Variants in ZNF76 observed in about 807,000 individuals in gnomAD.
The protein encoded by ZNF76 is zinc finger protein 76, also known as zinc finger protein 523.
ZNF76 carries 66 observed loss-of-function variants against 66.9 expected under a neutral mutation model. The observed-to-expected ratio is 0.99, with a 90% CI of 0.81 to 1.21. ZNF76 has a LOEUF of 1.21. ZNF76 is among the 50% of genes most tolerant of loss of function. The pLI is 0.00. For synonymous variants in ZNF76, 275 were observed against 296.1 expected (o/e 0.93, Z 0.73); for missense variants, 729 against 760.3 (o/e 0.96, Z 0.48).
chr6:35,294,122 C>G (rs1006469632), intron 12 of ZNF76: 1 of 627,756 alleles, frequency 1.6e-6, no homozygotes, highest in Non-Finnish European at 2.7e-6. Flanking sequence ...CTTTCTAAAT[C>G]TCAATTCAAC....
Position 35,292,584 on chromosome 6 carries a change from G to C in ZNF76, c.962G>C (p.Gly321Ala), listed in dbSNP as rs750352396. 1.9e-6 allele frequency: 3 copies of C among 1,613,582 alleles called. No homozygotes were observed. The highest frequency in any genetic ancestry group is 2.5e-6 in the Non-Finnish European group (3 of 1,180,014). The part of the protein sequence containing the change: ...GEKPYVCTVP[G>A]CGKRFTEYSS... ...AAGCCATACGTTTGCACGGTGCCAG[G>C]CTGCGGGAAACGCTTCACCGAGTAC... Residue 321 changes from glycine to alanine, a missense_variant, in exon 10 of 14, where the codon GGC becomes GCC. Transcript: ENST00000373953. The surrounding 1 kb of genome is among the most constrained non-coding windows in gnomAD (Gnocchi z 4.7).
At chr6:35,274,638 TCGCTTGAG>T (rs1787615784) in intron 1 of ZNF76, among the ~76,000 whole-genome samples, 1 of 152,140 alleles carries the variant, frequency 6.6e-6, no homozygotes, top group Non-Finnish European at 1.5e-5. Flanking sequence ...GGCAAGAGGA[TCGCTTGAG>T]CCCAGGAGGT....
At position 35,292,971 on chromosome 6, in the gene ZNF76, C is replaced by G; in HGVS notation, c.1256C>G (p.Ala419Gly). The change falls in exon 11 of 14, where the codon GCC becomes GGC. Residue 419 changes from alanine (A) to glycine (G), a missense_variant. Ala to Gly is a moderately conservative substitution (Grantham distance 60). Transcript: ENST00000373953. The surrounding 1 kb of genome is among the most constrained non-coding windows in gnomAD (Gnocchi z 4.7). ...AAGGAAGAGAGAGATGACATCCCAG[C>G]CCAGGTGGCGATGGTGACTGAAGAA... ...EVKEERDDIP[A>G]QVAMVTEEDG... is the part of the protein sequence containing the mutation. 6.2e-7 allele frequency: 1 copy of G among 1,614,210 alleles called. No homozygotes were observed. The highest frequency in any genetic ancestry group is 1.1e-5 in the South Asian group (1 of 91,088).
chr6:35,273,903 A>G (rs757229879), intron 1 of ZNF76, among the ~76,000 whole-genome samples: 1 of 152,172 alleles, frequency 6.6e-6, no homozygotes, highest in Non-Finnish European at 1.5e-5. Flanking sequence ...TGCTTTATGC[A>G]AAGATGTGTT....
intron 1 of ZNF76, among the ~76,000 whole-genome samples, chr6:35,266,989 C>CG (rs1786226920): frequency 6.6e-6 from 1 of 150,934 alleles, no homozygotes; most frequent in African/African-American, 2.4e-5. Flanking sequence ...TTAGTAGAGA[C>CG]GGGGTTTCAC....
In ZNF76 at chr6:35,273,180, CAAAAAAA is replaced by C. The variant is rs1042331668; in HGVS notation, c.-96-7872_-96-7866del. Among the ~76,000 whole-genome samples, 174 of 140,940 alleles carry C rather than the reference CAAAAAAA, an allele frequency of 1.2e-3. 1 individual carries two copies. Among genetic ancestry groups the C allele is most frequent in the African/African-American group, 4.3e-3 (167 of 38,406 alleles). 92.5% of individuals were successfully genotyped at this position (140,940 alleles called of 152,430 possible). The stretch of plus-strand genomic sequence containing the variant: ...CAGAAAAAAAACAAAAAACAAAAAA[CAAAAAAA>C]AAACGAGTCTCACTCTGTTGCCCAG... On this transcript the variant is annotated intron_variant, in intron 1 of 13. Coordinates refer to ENST00000373953, the MANE Select transcript of ZNF76 (RefSeq NM_003427.5).
In ZNF76 at chr6:35,290,257, T is replaced by A. The variant is rs1790167690; in HGVS notation, c.433-9T>A. 6.2e-7 allele frequency: 1 copy of A among 1,614,014 alleles called. No individual in the cohort carries two copies. The stretch of plus-strand genomic sequence containing the variant: ...AATACATATAGGGATCTCAAGACTT[T>A]TCCCCCAGGTTCTTCATGACAGCCA... On this transcript the variant is annotated splice_polypyrimidine_tract_variant and intron_variant, in intron 5 of 13. Coordinates refer to ENST00000373953, the MANE Select transcript of ZNF76 (RefSeq NM_003427.5).
At position 35,286,388 on chromosome 6, in the gene ZNF76, G is replaced by A. The variant is rs551762842; in HGVS notation, c.221G>A (p.Arg74His). The change falls in exon 4 of 14, where the codon CGC becomes CAC. Residue 74 changes from arginine to histidine, a missense_variant. Coordinates refer to ENST00000373953, the MANE Select transcript of ZNF76 (RefSeq NM_003427.5). Reference protein sequence around the residue: ...LEDGSMAYIHRTPREGYDPST... With the variant: ...LEDGSMAYIHHTPREGYDPST... Reference sequence around the variant, plus strand: ...GATGGCAGCATGGCTTACATACACCGCACACCCAGAGGTAGGGTCACCATC... The same window carrying A: ...GATGGCAGCATGGCTTACATACACCACACACCCAGAGGTAGGGTCACCATC... The A allele has an allele frequency of 1.6e-5, 26 of 1,614,016 alleles. No individual in the cohort carries two copies. The highest frequency in any genetic ancestry group is 6.7e-5 in the African/African-American group (5 of 75,034).
intron 1 of ZNF76, among the ~76,000 whole-genome samples, chr6:35,273,165 A>G (rs1306406125): frequency 6.7e-6 from 1 of 148,776 alleles, no homozygotes; most frequent in Non-Finnish European, 1.5e-5. Flanking sequence ...CAGAAAAAAA[A>G]CAAAAAACAA....
At chr6:35,265,772 TAGTG>T (rs987990766) in intron 1 of ZNF76, among the ~76,000 whole-genome samples, 2 of 150,736 alleles carry the variant, frequency 1.3e-5, no homozygotes, top group African/African-American at 4.9e-5. Flanking sequence ...TGCAGTATAT[TAGTG>T]AGAGAAGAAA....
chr6:35,285,983 G>A (rs376939281), intron 2 of ZNF76, 145 bp from the exon 3 acceptor site: 1 of 751,016 alleles, frequency 1.3e-6, no homozygotes. Context: ...GGGAGACAGA[G>A]CAAGGGAACA....
chr6:35,292,555 G>A lies in ZNF76; in HGVS notation c.933G>A (p.Gly311=), dbSNP rs777084586. The change falls in exon 10 of 14, where the codon GGG becomes GGA. Residue 311 remains glycine (G), a splice_region_variant and synonymous_variant. Transcript: ENST00000373953. This position sits in a 1 kb window ranked among gnomAD's most constrained non-coding sequence, Gnocchi z 4.7. The part of the protein sequence containing the change: ...NYKNHVRIHT[G]EKPYVCTVPG... Reference sequence around the variant, plus strand: ...CCCCTCACAGCCCAGTGTCCCCAGGGGAGAAGCCATACGTTTGCACGGTGC... The same window carrying A: ...CCCCTCACAGCCCAGTGTCCCCAGGAGAGAAGCCATACGTTTGCACGGTGC... 1 of 1,613,266 alleles carries A rather than the reference G, an allele frequency of 6.2e-7. No individual in the cohort carries two copies. Among genetic ancestry groups the A allele is most frequent in the South Asian group, 1.1e-5 (1 of 91,064 alleles).
chr6:35,295,052 T>TA, intron 13 of ZNF76, 92 bp from the exon 14 acceptor site: 1 of 954,498 alleles, frequency 1.0e-6, no homozygotes. Context: ...TGGGGGAGAG[T>TA]CAAAAAAAAA....
At chr6:35,282,484 G>C (rs1314316361) in intron 2 of ZNF76, among the ~76,000 whole-genome samples, 1 of 152,148 alleles carries the variant, frequency 6.6e-6, no homozygotes, top group Non-Finnish European at 1.5e-5. Context: ...TGTGGAGTCA[G>C]AATAAAGTGT....
chr6:35,280,979 A>G (rs550482430), intron 1 of ZNF76, 77 bp from the exon 2 acceptor site: 9 of 669,230 alleles, frequency 1.3e-5, no homozygotes, highest in East Asian at 1.0e-4. Context: ...GGCTGGCCTC[A>G]TTAACTCCTT....
Position 35,292,705 on chromosome 6 carries a change from C to A in ZNF76, c.1083C>A (p.Ala361=). Residue 361 remains alanine, a synonymous_variant, in exon 10 of 14, where the codon GCC becomes GCA. Transcript: ENST00000373953. This position sits in a 1 kb window ranked among gnomAD's most constrained non-coding sequence, Gnocchi z 4.7. The part of the protein sequence containing the change: ...GKTYRQTSTL[A]MHKRSAHGEL... The stretch of plus-strand genomic sequence containing the variant: ...CCTACCGGCAGACCTCCACCTTGGC[C>A]ATGCACAAGCGCAGTGCCCACGGCG... 6.2e-7 allele frequency: 1 copy of A among 1,614,156 alleles called. No homozygotes were observed.
chr6:35,282,212 A>C (rs1788875093), intron 2 of ZNF76, among the ~76,000 whole-genome samples: 1 of 151,986 alleles, frequency 6.6e-6, no homozygotes, highest in Non-Finnish European at 1.5e-5. Flanking sequence ...GGTGGCATGC[A>C]CCTGTAGTCT....
At chr6:35,275,205 G>C (rs953813668) in intron 1 of ZNF76, among the ~76,000 whole-genome samples, 7 of 151,842 alleles carry the variant, frequency 4.6e-5, no homozygotes, top group Non-Finnish European at 7.4e-5. Context: ...TTTGCTCCTA[G>C]TTCTGGGAGA....
chr6:35,263,712 C>G (rs533097876), intron 1 of ZNF76, among the ~76,000 whole-genome samples: 1 of 152,126 alleles, frequency 6.6e-6, no homozygotes, highest in Non-Finnish European at 1.5e-5. Context: ...TTTTCTCAAC[C>G]CCACTCTGTG....
Sources: gnomAD v4.1 joint callset for allele counts (sites outside exome capture counted in the v4.1 genomes callset) on GRCh38, gnomAD v4.1.1 for gene constraint, Gnocchi (gnomAD v3.1) non-coding constraint, MANE v1.5 for transcripts, NCBI Gene and HGNC (gene_info 2026-07-23, HGNC 2026-07-21) for gene names.